GFOD1: variants seen among roughly 807,000 people sequenced by gnomAD.
GFOD1 encodes Gfo/Idh/MocA-like oxidoreductase domain containing 1, also known as glucose-fructose oxidoreductase domain-containing protein 1.
A neutral mutation model predicts 25.4 loss-of-function variants in GFOD1; 9 were observed. That is an observed-to-expected ratio of 0.35 (90% CI 0.21 to 0.62). GFOD1 has a LOEUF of 0.62. GFOD1 is among the 20% of genes least tolerant of loss of function. The pLI, the probability that GFOD1 is intolerant of heterozygous loss-of-function variation, is 0.72. For synonymous variants in GFOD1, 253 were observed against 245.6 expected, an observed-to-expected ratio of 1.03 and a Z score of -0.28; for missense variants, 403 against 556.9, an observed-to-expected ratio of 0.72 and a Z score of 2.78.
chr6:13,424,340 G>T (rs1361190037), intron 1 of GFOD1, among the ~76,000 whole-genome samples: 2 of 152,084 alleles, frequency 1.3e-5, no homozygotes, highest in East Asian at 3.8e-4. Context: ...CAAACATTAG[G>T]AAGATGATGA....
intron 1 of GFOD1, among the ~76,000 whole-genome samples, chr6:13,424,530 A>C (rs1268943132): frequency 6.6e-6 from 1 of 152,212 alleles, no homozygotes; most frequent in Non-Finnish European, 1.5e-5. Flanking sequence ...AACAACATAA[A>C]ACTATTAAAA....
chr6:13,469,436 T>G, intron 1 of GFOD1: 1 of 985,594 alleles, frequency 1.0e-6, no homozygotes, highest in African/African-American at 1.7e-5. Flanking sequence ...TGGAATTAGA[T>G]GATGCAAGTT....
In GFOD1 at chr6:13,361,739, T is replaced by C. The variant is rs909482993; in HGVS notation, c.*3004A>G. 4 of 152,264 alleles carry C rather than the reference T, an allele frequency of 2.6e-5. No homozygotes were observed. Among genetic ancestry groups the C allele is most frequent in the Non-Finnish European group, 4.4e-5 (3 of 68,046 alleles). The allele number at this position is 152,264 out of a possible 1,614,324, so 9.4% of individuals were successfully genotyped here. A position where few individuals can be genotyped will look rare whatever the true frequency, so the allele number is the denominator to read the frequency against. On this transcript the variant is annotated 3_prime_UTR_variant, in exon 2 of 2. Coordinates refer to ENST00000379287, the MANE Select transcript of GFOD1 (RefSeq NM_018988.4). ...GAACTATCCAGTTCTTTTCTTTCTC[T>C]TGTTCCTTCACCTACCTACTACATG... is the stretch of plus-strand genomic sequence containing the variant.
intron 1 of GFOD1, among the ~76,000 whole-genome samples, chr6:13,412,132 G>T (rs1056992760): frequency 3.3e-5 from 5 of 152,340 alleles, no homozygotes; most frequent in African/African-American, 9.6e-5. Context: ...CATTATAAGT[G>T]TTATGAGCTG....
Position 13,361,897 on chromosome 6 carries a change from A to G in GFOD1, c.*2846T>C, listed in dbSNP as rs557244584. On this transcript the variant is annotated 3_prime_UTR_variant, in exon 2 of 2. Coordinates refer to ENST00000379287, the MANE Select transcript of GFOD1 (RefSeq NM_018988.4). ...TTTAGACATTAAATATGTATTACAGAGCTTAGAGGCCTTTGTGGGGACCTC... is the reference window on the plus strand; with the variant it reads ...TTTAGACATTAAATATGTATTACAGGGCTTAGAGGCCTTTGTGGGGACCTC... 5 of 152,270 alleles carry G rather than the reference A, an allele frequency of 3.3e-5. 1 individual carries two copies. Among genetic ancestry groups the G allele is most frequent in the African/African-American group, 1.2e-4 (5 of 41,534 alleles). The allele number at this position is 152,270 out of a possible 1,614,324, so 9.4% of individuals were successfully genotyped here. A position where few individuals can be genotyped will look rare whatever the true frequency, so the allele number is the denominator to read the frequency against.
intron 1 of GFOD1, among the ~76,000 whole-genome samples, chr6:13,434,562 G>A (rs921436671): frequency 2.6e-5 from 4 of 152,178 alleles, no homozygotes; most frequent in East Asian, 1.9e-4. Context: ...CAGAAGTCAA[G>A]TGCAAGGCTT....
At chr6:13,375,282 A>C (rs1785235207) in intron 1 of GFOD1, among the ~76,000 whole-genome samples, 1 of 151,962 alleles carries the variant, frequency 6.6e-6, no homozygotes, top group Non-Finnish European at 1.5e-5. Context: ...CACCCATGTC[A>C]CCCAGAGATA....
At chr6:13,472,647 C>T (rs879396669) in intron 1 of GFOD1, among the ~76,000 whole-genome samples, 6 of 152,208 alleles carry the variant, frequency 3.9e-5, no homozygotes, top group African/African-American at 1.4e-4. Flanking sequence ...TTCTGTAGTG[C>T]CTCCAGCTTT....
chr6:13,453,429 G>A (rs948485938), intron 1 of GFOD1, among the ~76,000 whole-genome samples: 3 of 152,306 alleles, frequency 2.0e-5, no homozygotes, highest in South Asian at 2.1e-4. Context: ...GAATAAATGC[G>A]GTTTCAAAGA....
Position 13,446,750 on chromosome 6 carries a change from C to A in GFOD1, c.253+39888G>T, listed in dbSNP as rs902758156. On this transcript the variant is annotated intron_variant, in intron 1 of 1. Transcript: ENST00000379287. Reference sequence around the variant, plus strand: ...GGGATCCCAAGAAAAAGGGTAAGGGCCGATGTGATCCCACTCATCTGTCCT... The same window carrying A: ...GGGATCCCAAGAAAAAGGGTAAGGGACGATGTGATCCCACTCATCTGTCCT... Among the ~76,000 whole-genome samples the A allele has an allele frequency of 2.0e-5, 3 of 152,282 alleles. No homozygotes were observed. In the South Asian group the frequency reaches 6.2e-4, roughly 32 times the overall value.
intron 1 of GFOD1, among the ~76,000 whole-genome samples, chr6:13,427,236 C>G (rs1338459659): frequency 2.0e-5 from 3 of 152,178 alleles, no homozygotes; most frequent in African/African-American, 4.8e-5. Flanking sequence ...GCCCTTTGAA[C>G]AGAGAACATG....
intron 1 of GFOD1, among the ~76,000 whole-genome samples, chr6:13,442,755 G>GA (rs1258069431): frequency 2.6e-5 from 4 of 152,138 alleles, no homozygotes; most frequent in African/African-American, 9.7e-5. Context: ...CTACTACTCA[G>GA]AAAAAACGAT....
At chr6:13,427,385 C>T (rs1003359848) in intron 1 of GFOD1, among the ~76,000 whole-genome samples, 3 of 152,210 alleles carry the variant, frequency 2.0e-5, no homozygotes, top group East Asian at 3.8e-4. Flanking sequence ...GTTGGCCAGG[C>T]GCAGTGCCTC....
intron 1 of GFOD1, among the ~76,000 whole-genome samples, chr6:13,477,229 G>GTGTGTGCA (rs1758646845): frequency 6.9e-6 from 1 of 145,226 alleles, no homozygotes; most frequent in Admixed American, 7.0e-5. Context: ...GTGTGTGTGT[G>GTGTGTGCA]TGTGTGTGTG....
chr6:13,465,032 T>C (rs1046911040), intron 1 of GFOD1, among the ~76,000 whole-genome samples: 1 of 152,184 alleles, frequency 6.6e-6, no homozygotes, highest in African/African-American at 2.4e-5. Flanking sequence ...CTGCCAAATA[T>C]AATTGCTTCT....
chr6:13,485,267 C>T (rs963419953), intron 1 of GFOD1, among the ~76,000 whole-genome samples: 1 of 152,218 alleles, frequency 6.6e-6, no homozygotes, highest in African/African-American at 2.4e-5. Flanking sequence ...ACATTCTGTT[C>T]ATAGCTCTTC....
chr6:13,449,402 G>T (rs1346592117), intron 1 of GFOD1, among the ~76,000 whole-genome samples: 3 of 152,210 alleles, frequency 2.0e-5, no homozygotes, highest in African/African-American at 7.2e-5. Flanking sequence ...CACAGTTCTT[G>T]CCATGAAGGG....
At chr6:13,443,353 A>G (rs1194813111) in intron 1 of GFOD1, among the ~76,000 whole-genome samples, 2 of 152,256 alleles carry the variant, frequency 1.3e-5, no homozygotes, top group Admixed American at 1.3e-4. Flanking sequence ...AGAATATTAC[A>G]TAAACTTAGT....
At position 13,459,104 on chromosome 6, in the gene GFOD1, G is replaced by A. The variant is rs148960743; in HGVS notation, c.253+27534C>T. ...GGCCACAAGGGCTCTGCTCTGATGAGTGGGTTAATGCTGCTATCAAAAGAG... is the reference window on the plus strand; with the variant it reads ...GGCCACAAGGGCTCTGCTCTGATGAATGGGTTAATGCTGCTATCAAAAGAG... On this transcript the variant is annotated intron_variant, in intron 1 of 1. Coordinates refer to ENST00000379287, the MANE Select transcript of GFOD1 (RefSeq NM_018988.4). Among the ~76,000 whole-genome samples the A allele has an allele frequency of 2.6e-3, 393 of 152,318 alleles. 2 individuals are homozygous for A. The highest frequency in any genetic ancestry group is 0.023 in the South Asian group (109 of 4,820).
Sources: gnomAD v4.1 joint callset for allele counts (sites outside exome capture counted in the v4.1 genomes callset) on GRCh38, gnomAD v4.1.1 for gene constraint, MANE v1.5 for transcripts, NCBI Gene and HGNC (gene_info 2026-07-23, HGNC 2026-07-21) for gene names.